GLIS3: variants seen among roughly 807,000 people sequenced by gnomAD.
GLIS3 encodes the protein zinc finger protein GLIS3.
In GLIS3, 53 loss-of-function variants were observed where a neutral mutation model predicts 78.6. The ratio of observed to expected loss-of-function variants is 0.67; its 90% CI spans 0.54 to 0.85. The LOEUF (loss-of-function observed/expected upper bound fraction) is 0.85, where lower values mean the gene tolerates loss of function less well. GLIS3 is among the 40% of genes least tolerant of loss of function. GLIS3 has a pLI of 0.00. For missense variants in GLIS3, 1,703 were observed against 1,231.1 expected (o/e 1.38, Z -5.74); for synonymous variants, 684 against 509.9 (o/e 1.34, Z -4.60).
intron 2 of GLIS3, among the ~76,000 whole-genome samples, chr9:4,247,638 T>C (rs1051544128): frequency 6.6e-6 from 1 of 152,102 alleles, no homozygotes; most frequent in Non-Finnish European, 1.5e-5. Context: ...TGGGGAAAGA[T>C]ACAGACAATT....
At chr9:4,179,098 T>C (rs569010278) in intron 2 of GLIS3, among the ~76,000 whole-genome samples, 2 of 152,350 alleles carry the variant, frequency 1.3e-5, no homozygotes, top group East Asian at 1.9e-4. Flanking sequence ...ATTCACACCT[T>C]GGACATTGTT....
intron 4 of GLIS3, among the ~76,000 whole-genome samples, chr9:4,036,733 T>C (rs1045822322): frequency 6.6e-6 from 1 of 152,112 alleles, no homozygotes; most frequent in Non-Finnish European, 1.5e-5. Context: ...CCCACCATAG[T>C]GATTACTAGT....
intron 1 of GLIS3, among the ~76,000 whole-genome samples, chr9:4,287,839 T>C (rs1272507588): frequency 1.3e-5 from 2 of 152,284 alleles, no homozygotes; most frequent in Admixed American, 6.5e-5. Context: ...GCACTCACTA[T>C]GCCTTCTGCA....
Position 3,891,422 on chromosome 9 carries a change from G to A in GLIS3, c.2128+7269C>T, listed in dbSNP as rs58195955. Among the ~76,000 whole-genome samples the A allele has an allele frequency of 5.9e-3, 905 of 152,264 alleles. 5 individuals are homozygous for A. The highest frequency in any genetic ancestry group is 0.018 in the African/African-American group (765 of 41,532). On this transcript the variant is annotated intron_variant, in intron 7 of 10. Transcript: ENST00000381971. ...CAGTAACGTAATTTAAGAAAAAAGA[G>A]CCGCTGCCATGGTTCATGCTTGTAA...
At chr9:4,383,624 T>C in the GLIS3 span, among the ~76,000 whole-genome samples, 1 of 150,548 alleles carries the variant, frequency 6.6e-6, no homozygotes, top group Non-Finnish European at 1.5e-5. Flanking sequence ...CAGAAAAAAA[T>C]CTATTAAGAT....
chr9:4,378,280 T>C, the GLIS3 span, among the ~76,000 whole-genome samples: 2 of 152,170 alleles, frequency 1.3e-5, no homozygotes, highest in African/African-American at 4.8e-5. Flanking sequence ...CAGTTACATT[T>C]CAGTTTCAGA....
chr9:4,189,152 C>G (rs7035736), intron 2 of GLIS3, among the ~76,000 whole-genome samples: 3 of 151,248 alleles, frequency 2.0e-5, no homozygotes, highest in East Asian at 3.9e-4. Flanking sequence ...AAACTTCCCT[C>G]TACACACTGC....
chr9:4,161,866 G>A (rs1415405876), intron 2 of GLIS3, among the ~76,000 whole-genome samples: 3 of 148,498 alleles, frequency 2.0e-5, no homozygotes, highest in Non-Finnish European at 3.0e-5. Flanking sequence ...TTTTTTTTCA[G>A]TAGAGATGGG....
chr9:4,217,592 CCA>C (rs1820969744), intron 2 of GLIS3, among the ~76,000 whole-genome samples: 2 of 152,246 alleles, frequency 1.3e-5, no homozygotes, highest in Non-Finnish European at 2.9e-5. Context: ...CCTCAGCTCC[CCA>C]CAGTTATTCC....
intron 2 of GLIS3, among the ~76,000 whole-genome samples, chr9:4,265,512 G>A (rs985926502): frequency 2.0e-5 from 3 of 152,046 alleles, no homozygotes; most frequent in African/African-American, 7.3e-5. Flanking sequence ...GCTATATACT[G>A]CCTCTATCTG....
chr9:3,962,201 C>T (rs985250520), intron 4 of GLIS3, among the ~76,000 whole-genome samples: 3 of 151,810 alleles, frequency 2.0e-5, no homozygotes, highest in African/African-American at 7.3e-5. Context: ...TCTTGGGGAA[C>T]AGAGTGAGGC....
At chr9:4,113,146 G>T (rs913619426) in intron 4 of GLIS3, among the ~76,000 whole-genome samples, 5 of 151,452 alleles carry the variant, frequency 3.3e-5, no homozygotes, top group African/African-American at 1.2e-4. Context: ...TTTTTGAAAT[G>T]TATCCATGTT....
intron 1 of GLIS3, among the ~76,000 whole-genome samples, chr9:4,297,475 G>C (rs559091812): frequency 6.6e-6 from 1 of 152,276 alleles, no homozygotes; most frequent in South Asian, 2.1e-4. Context: ...GTCCACTGGG[G>C]GGAGCTGCAG....
intron 2 of GLIS3, among the ~76,000 whole-genome samples, chr9:4,332,276 G>T (rs1286555763): frequency 6.6e-6 from 1 of 152,188 alleles, no homozygotes; most frequent in Non-Finnish European, 1.5e-5. Context: ...CCCAGGTCCA[G>T]GTGTAGAATT....
intron 5 of GLIS3, among the ~76,000 whole-genome samples, chr9:3,933,622 T>C (rs1456770292): frequency 6.6e-6 from 1 of 152,160 alleles, no homozygotes; most frequent in African/African-American, 2.4e-5. Flanking sequence ...GCTGTGCTTG[T>C]ATGATGTGAA....
the GLIS3 span, among the ~76,000 whole-genome samples, chr9:4,372,537 GCA>G: frequency 7.5e-6 from 1 of 133,076 alleles, no homozygotes; most frequent in Non-Finnish European, 1.6e-5. Flanking sequence ...ATACTCCTCT[GCA>G]CAGTGACCCT....
At chr9:4,442,125 C>G in the GLIS3 span, among the ~76,000 whole-genome samples, 1 of 152,170 alleles carries the variant, frequency 6.6e-6, no homozygotes, top group Non-Finnish European at 1.5e-5. Flanking sequence ...ACTCAATCTC[C>G]TTACTCACTA....
At chr9:4,259,018 T>TA (rs1396127241) in intron 2 of GLIS3, among the ~76,000 whole-genome samples, 1 of 152,118 alleles carries the variant, frequency 6.6e-6, no homozygotes, top group Non-Finnish European at 1.5e-5. Context: ...AATGGACCCT[T>TA]GTGGGTTTGC....
chr9:4,145,321 A>G (rs142291171), intron 2 of GLIS3: 1 of 152,306 alleles, frequency 6.6e-6, no homozygotes, highest in African/African-American at 2.4e-5. Flanking sequence ...AATACAGGGT[A>G]CCTCTGGAGA....
Sources: allele counts gnomAD v4.1 joint callset (sites outside exome capture counted in the v4.1 genomes callset), GRCh38; gene constraint gnomAD v4.1.1; transcripts MANE v1.5; gene names NCBI Gene and HGNC (gene_info 2026-07-23, HGNC 2026-07-21).